CGRRF1: variants seen among roughly 807,000 people sequenced by gnomAD.
CGRRF1 encodes cell growth regulator with RING finger domain protein 1.
CGRRF1 carries 32 observed loss-of-function variants against 37.2 expected under a neutral mutation model. The ratio of observed to expected loss-of-function variants is 0.86; its 90% CI spans 0.65 to 1.16. The LOEUF is 1.16. CGRRF1 is among the 50% of genes most tolerant of loss of function. The pLI, the probability that CGRRF1 is intolerant of heterozygous loss-of-function variation, is 0.00. For missense variants in CGRRF1, 391 were observed against 382.6 expected, an observed-to-expected ratio of 1.02 and a Z score of -0.18; for synonymous variants, 141 against 140.3, an observed-to-expected ratio of 1.00 and a Z score of -0.04.
intron 5 of CGRRF1, 105 bp from the exon 6 acceptor site, chr14:54,537,958 T>C: frequency 2.7e-6 from 4 of 1,477,762 alleles, no homozygotes; most frequent in Non-Finnish European, 3.6e-6. Flanking sequence ...TTCTTTGCAA[T>C]TGAATTTGCT....
intron 3 of CGRRF1, 156 bp downstream of exon 3, chr14:54,530,382 A>G: frequency 3.0e-6 from 3 of 987,262 alleles, no homozygotes; most frequent in East Asian, 2.4e-5. Context: ...TGTGGAGTGA[A>G]TATCTCTATC....
At chr14:54,512,490 C>G (rs955804699) in intron 1 of CGRRF1, among the ~76,000 whole-genome samples, 1 of 152,226 alleles carries the variant, frequency 6.6e-6, no homozygotes, top group Non-Finnish European at 1.5e-5. Flanking sequence ...TAGCTATTCC[C>G]GGCCTCCTCT....
intron 1 of CGRRF1, among the ~76,000 whole-genome samples, chr14:54,519,729 C>T (rs1405478303): frequency 1.3e-5 from 2 of 152,210 alleles, no homozygotes; most frequent in African/African-American, 4.8e-5. Context: ...ACCATGAAAC[C>T]ATGGCATAGC....
At chr14:54,513,665 TGTC>T (rs1268135625) in intron 1 of CGRRF1, among the ~76,000 whole-genome samples, 1 of 150,900 alleles carries the variant, frequency 6.6e-6, no homozygotes, top group East Asian at 2.0e-4. Flanking sequence ...CTTGCTCTGT[TGTC>T]CGAGCTGGAG....
At chr14:54,510,211 CT>C (rs1177385097) in intron 1 of CGRRF1, 148 bp downstream of exon 1, 1 of 625,446 alleles carries the variant, frequency 1.6e-6, no homozygotes. Flanking sequence ...CCGACTTTCT[CT>C]GGGAGGAAAA....
intron 4 of CGRRF1, 112 bp from the exon 5 acceptor site, chr14:54,537,610 C>CT (rs199511847): frequency 6.6e-4 from 722 of 1,090,470 alleles, no homozygotes; most frequent in Middle Eastern, 1.4e-3. Flanking sequence ...AAGCATTTTT[C>CT]TTTTTTTTTG....
chr14:54,537,859 T>C, intron 5 of CGRRF1, 30 bp downstream of exon 5: 1 of 1,574,402 alleles, frequency 6.4e-7, no homozygotes, highest in Non-Finnish European at 8.6e-7. Context: ...CTTATCTCTG[T>C]CTCTTTTGTT....
intron 1 of CGRRF1, among the ~76,000 whole-genome samples, chr14:54,518,288 G>T (rs1224510590): frequency 6.6e-6 from 1 of 152,142 alleles, no homozygotes; most frequent in Non-Finnish European, 1.5e-5. Context: ...GCTCATGCCT[G>T]TAATCCTAGC....
At position 54,522,476 on chromosome 14, in the gene CGRRF1, A is replaced by G; in HGVS notation, c.127A>G (p.Ile43Val). 6.3e-7 allele frequency: 1 copy of G among 1,578,680 alleles called. No individual in the cohort carries two copies. The highest frequency in any genetic ancestry group is 8.6e-7 in the Non-Finnish European group (1 of 1,168,430). ...LGWFGWDVPV[I>V]LRNSEETQFS... ...TAGGTTTGGTTGGGATGTTCCAGTAATTCTGAGAAATTCAGAAGAGACCCA... is the reference window on the plus strand; with the variant it reads ...TAGGTTTGGTTGGGATGTTCCAGTAGTTCTGAGAAATTCAGAAGAGACCCA... The change falls in exon 2 of 6, where the codon ATT (isoleucine) becomes GTT (valine). Residue 43 changes from isoleucine to valine, a missense_variant. Ile to Val is a conservative substitution (Grantham distance 29, BLOSUM62 3). Transcript: ENST00000216420.
chr14:54,518,838 T>G (rs1473119612), intron 1 of CGRRF1, among the ~76,000 whole-genome samples: 1 of 152,228 alleles, frequency 6.6e-6, no homozygotes, highest in African/African-American at 2.4e-5. Flanking sequence ...ACTCTGGATA[T>G]TAGACCTTTG....
At chr14:54,516,933 T>C (rs1165542774) in intron 1 of CGRRF1, among the ~76,000 whole-genome samples, 1 of 152,208 alleles carries the variant, frequency 6.6e-6, no homozygotes, top group Non-Finnish European at 1.5e-5. Context: ...CAATACCTAA[T>C]CTGCTGTTAA....
At chr14:54,512,492 G>T (rs998173321) in intron 1 of CGRRF1, among the ~76,000 whole-genome samples, 2 of 152,162 alleles carry the variant, frequency 1.3e-5, no homozygotes, top group Admixed American at 6.5e-5. Flanking sequence ...GCTATTCCCG[G>T]CCTCCTCTTG....
chr14:54,510,244 G>GGCACTGCCCTGCA (rs1484257660), intron 1 of CGRRF1, 181 bp downstream of exon 1: 3 of 599,036 alleles, frequency 5.0e-6, no homozygotes, highest in Non-Finnish European at 8.9e-6. Context: ...CTGCACCTGC[G>GGCACTGCCCTGCA]TCACTGCCCT....
At chr14:54,525,449 C>A (rs1411009866) in intron 2 of CGRRF1, among the ~76,000 whole-genome samples, 1 of 152,158 alleles carries the variant, frequency 6.6e-6, no homozygotes. Flanking sequence ...TTACTGAAGT[C>A]ATGAAAAATT....
chr14:54,531,034 G>C lies in CGRRF1; in HGVS notation c.554G>C (p.Arg185Pro). The change falls in exon 4 of 6, where the codon CGG becomes CCG. Residue 185 changes from arginine (R) to proline (P), a missense_variant. By Grantham distance (103) the Arg-to-Pro change is moderately radical. Coordinates refer to ENST00000216420, the MANE Select transcript of CGRRF1 (RefSeq NM_006568.3). ...ALLTLADEDD[R>P]EIYDIISMVS... ...TTGACCTTAGCTGATGAGGATGACC[G>C]GGAAATTTATGATATTGTAAGTAAT... 6.2e-7 allele frequency: 1 copy of C among 1,608,132 alleles called. No individual in the cohort carries two copies. Among genetic ancestry groups the C allele is most frequent in the African/African-American group, 1.3e-5 (1 of 74,648 alleles).
chr14:54,528,254 C>T (rs1236198118), intron 2 of CGRRF1, among the ~76,000 whole-genome samples: 1 of 147,278 alleles, frequency 6.8e-6, no homozygotes, highest in Non-Finnish European at 1.5e-5. Context: ...ACTGTGTCAG[C>T]CAGGTTGTAG....
intron 1 of CGRRF1, among the ~76,000 whole-genome samples, chr14:54,515,650 A>G (rs937607282): frequency 3.3e-5 from 5 of 152,186 alleles, no homozygotes; most frequent in Admixed American, 2.6e-4. Flanking sequence ...ATTGACCCTT[A>G]TATCACTATG....
chr14:54,523,802 T>C (rs1433129421), intron 2 of CGRRF1, among the ~76,000 whole-genome samples: 2 of 152,186 alleles, frequency 1.3e-5, no homozygotes, highest in Admixed American at 6.5e-5. Context: ...TGAAATTCTT[T>C]CGTGACAGTT....
intron 1 of CGRRF1, among the ~76,000 whole-genome samples, chr14:54,512,176 C>G (rs777752353): frequency 8.5e-5 from 13 of 152,126 alleles, no homozygotes; most frequent in Non-Finnish European, 1.8e-4. Flanking sequence ...CTCTACTGTT[C>G]ATGTGTTTTC....
Sources: allele counts gnomAD v4.1 joint callset (sites outside exome capture counted in the v4.1 genomes callset), GRCh38; gene constraint gnomAD v4.1.1; transcripts MANE v1.5; gene names NCBI Gene and HGNC (gene_info 2026-07-23, HGNC 2026-07-21).